The following TSPAN5 variants were observed in gnomAD, a reference collection of about 807,000 sequenced individuals.
The protein encoded by TSPAN5 is tetraspanin-5.
A neutral mutation model predicts 37.1 loss-of-function variants in TSPAN5; 10 were observed. The ratio of observed to expected loss-of-function variants is 0.27; its 90% CI spans 0.17 to 0.46. The LOEUF is 0.46. TSPAN5 is among the 20% of genes least tolerant of loss of function. The probability of loss-of-function intolerance (pLI) is 1.00; values close to 1 mark genes in which losing one functional copy is unlikely to be tolerated. For missense variants in TSPAN5, 195 were observed against 326.6 expected (o/e 0.60, Z 3.11); for synonymous variants, 110 against 118.9 (o/e 0.93, Z 0.48).
intron 3 of TSPAN5, 66 bp downstream of exon 3, chr4:98,486,672 G>A (rs917859685): frequency 1.9e-6 from 3 of 1,582,346 alleles, no homozygotes; most frequent in African/African-American, 2.7e-5. Context: ...CCTGTAGATA[G>A]GGTGACCTCC....
At chr4:98,627,675 A>C (rs1756639624) in intron 1 of TSPAN5, among the ~76,000 whole-genome samples, 1 of 152,226 alleles carries the variant, frequency 6.6e-6, no homozygotes, top group African/African-American at 2.4e-5. Context: ...CACAGCATGC[A>C]GCAGAACATT....
chr4:98,578,518 T>C (rs1290351865), intron 1 of TSPAN5, among the ~76,000 whole-genome samples: 1 of 152,080 alleles, frequency 6.6e-6, no homozygotes, highest in East Asian at 1.9e-4. Flanking sequence ...CTCCGTCTCC[T>C]GGGTTCAAGA....
Position 98,643,799 on chromosome 4 carries a change from A to T in TSPAN5, c.81+14347T>A, listed in dbSNP as rs139007233. ...CTTTCAAAACCCAATAGATGAAGCCAAAAGAACTTGGTACCAAAGAAAACA... is the reference window on the plus strand; with the variant it reads ...CTTTCAAAACCCAATAGATGAAGCCTAAAGAACTTGGTACCAAAGAAAACA... On this transcript the variant is annotated intron_variant, in intron 1 of 7. Transcript: ENST00000305798. Among the ~76,000 whole-genome samples the T allele has an allele frequency of 6.3e-3, 963 of 152,366 alleles. 2 individuals are homozygous for T. Among genetic ancestry groups the T allele is most frequent in the Non-Finnish European group, 8.6e-3 (587 of 68,038 alleles).
intron 2 of TSPAN5, among the ~76,000 whole-genome samples, chr4:98,506,494 A>G (rs1753479551): frequency 6.6e-6 from 1 of 152,188 alleles, no homozygotes; most frequent in Non-Finnish European, 1.5e-5. Flanking sequence ...AGGATGGTTC[A>G]TTTGCAAAAC....
chr4:98,486,580 C>T (rs1401658782), intron 3 of TSPAN5, 158 bp downstream of exon 3: 3 of 714,130 alleles, frequency 4.2e-6, no homozygotes, highest in Non-Finnish European at 6.9e-6. Context: ...AACTGGGAAT[C>T]AGGGCTAGAG....
At chr4:98,511,342 T>C (rs1753599804) in intron 1 of TSPAN5, among the ~76,000 whole-genome samples, 1 of 152,196 alleles carries the variant, frequency 6.6e-6, no homozygotes, top group Non-Finnish European at 1.5e-5. Flanking sequence ...ATAGTGTACT[T>C]ACACAAGCCT....
chr4:98,509,882 T>A (rs1334979245), intron 1 of TSPAN5: 2 of 152,192 alleles, frequency 1.3e-5, no homozygotes, highest in Non-Finnish European at 2.9e-5. Flanking sequence ...AGCACAGAGT[T>A]AAGGCTTTGA....
chr4:98,574,398 C>T (rs757192624), intron 1 of TSPAN5: 2 of 152,182 alleles, frequency 1.3e-5, no homozygotes, highest in African/African-American at 2.4e-5. Flanking sequence ...CTAATTCTTA[C>T]AGGATATTTA....
At chr4:98,518,995 C>T (rs1280152139) in intron 1 of TSPAN5, among the ~76,000 whole-genome samples, 3 of 152,214 alleles carry the variant, frequency 2.0e-5, no homozygotes, top group African/African-American at 7.2e-5. Context: ...ATTTCAGAAA[C>T]ATCTTTCCAG....
intron 1 of TSPAN5, among the ~76,000 whole-genome samples, chr4:98,517,744 C>T (rs1753766856): frequency 6.6e-6 from 1 of 152,128 alleles, no homozygotes; most frequent in Admixed American, 6.5e-5. Context: ...AGGGATGAGC[C>T]ATCCTCTTTT....
intron 2 of TSPAN5, among the ~76,000 whole-genome samples, chr4:98,489,577 C>T (rs941615353): frequency 6.6e-6 from 1 of 152,112 alleles, no homozygotes; most frequent in African/African-American, 2.4e-5. Context: ...TTTCACTCGC[C>T]GTCCACCACT....
intron 3 of TSPAN5, chr4:98,484,123 T>A: frequency 4.0e-6 from 1 of 249,776 alleles, no homozygotes; most frequent in East Asian, 9.9e-5. Flanking sequence ...ATGTTACATA[T>A]TATACATACC....
chr4:98,640,207 A>T (rs973118679), intron 1 of TSPAN5, among the ~76,000 whole-genome samples: 3 of 152,346 alleles, frequency 2.0e-5, no homozygotes, highest in Middle Eastern at 3.4e-3. Flanking sequence ...GTATATATTA[A>T]TAAATTAAGC....
intron 1 of TSPAN5, among the ~76,000 whole-genome samples, chr4:98,590,753 GA>G (rs1290161504): frequency 2.6e-5 from 4 of 151,290 alleles, no homozygotes; most frequent in South Asian, 2.1e-4. Context: ...TAACTTGTCC[GA>G]GGTCACAGTG....
intron 1 of TSPAN5, among the ~76,000 whole-genome samples, chr4:98,580,738 G>GT (rs1294036606): frequency 6.6e-6 from 1 of 152,120 alleles, no homozygotes; most frequent in African/African-American, 2.4e-5. Context: ...ATGAAAACCT[G>GT]TTTTTTTATT....
intron 1 of TSPAN5, among the ~76,000 whole-genome samples, chr4:98,535,052 G>A (rs1399507331): frequency 1.3e-5 from 2 of 152,166 alleles, no homozygotes; most frequent in African/African-American, 4.8e-5. Flanking sequence ...ATATTGTTAT[G>A]TGTGAATTTG....
chr4:98,494,358 GACAA>G (rs1285065137), intron 2 of TSPAN5, among the ~76,000 whole-genome samples: 6 of 151,996 alleles, frequency 3.9e-5, no homozygotes, highest in East Asian at 4.0e-4. Context: ...GGGGGAGACA[GACAA>G]ACAGACAGAC....
intron 1 of TSPAN5, among the ~76,000 whole-genome samples, chr4:98,579,903 T>G (rs1196821794): frequency 1.3e-5 from 2 of 152,222 alleles, no homozygotes; most frequent in African/African-American, 4.8e-5. Context: ...TATTAGATGC[T>G]GAATAGATTT....
intron 1 of TSPAN5, among the ~76,000 whole-genome samples, chr4:98,533,792 C>T (rs1219595500): frequency 6.7e-6 from 1 of 149,330 alleles, no homozygotes; most frequent in African/African-American, 2.5e-5. Context: ...CCTCGTGATC[C>T]GCCCGCCTCG....
Sources: gnomAD v4.1 joint callset for allele counts (sites outside exome capture counted in the v4.1 genomes callset) on GRCh38, gnomAD v4.1.1 for gene constraint, MANE v1.5 for transcripts, NCBI Gene and HGNC (gene_info 2026-07-23, HGNC 2026-07-21) for gene names.